The following PPP3CB variants were observed in gnomAD, a reference collection of about 807,000 sequenced individuals.
PPP3CB encodes the protein protein phosphatase 3 catalytic subunit beta, also known as serine/threonine-protein phosphatase 2B catalytic subunit beta isoform.
In PPP3CB, 8 loss-of-function variants were observed where a neutral mutation model predicts 66.4. The ratio of observed to expected loss-of-function variants is 0.12; its 90% CI spans 0.07 to 0.22. The LOEUF is 0.22. Among genes scored for constraint, PPP3CB ranks in the 10% least tolerant of loss-of-function variants. PPP3CB has a pLI of 1.00. For synonymous variants in PPP3CB, 208 were observed against 221.2 expected, an observed-to-expected ratio of 0.94 and a Z score of 0.53; for missense variants, 319 against 642.5, an observed-to-expected ratio of 0.50 and a Z score of 5.44.
intron 1 of PPP3CB, among the ~76,000 whole-genome samples, chr10:73,480,003 A>C (rs568667128): frequency 4.6e-5 from 7 of 152,208 alleles, no homozygotes; most frequent in East Asian, 1.9e-4. Flanking sequence ...CTCAAAAAAA[A>C]CCCCACAACA....
intron 8 of PPP3CB, among the ~76,000 whole-genome samples, chr10:73,470,019 T>C (rs1372310749): frequency 6.6e-6 from 1 of 152,226 alleles, no homozygotes; most frequent in East Asian, 1.9e-4. Flanking sequence ...CCTTTGGCAC[T>C]TTCTGTCAAT....
intron 1 of PPP3CB, among the ~76,000 whole-genome samples, chr10:73,483,827 G>A (rs754332276): frequency 1.9e-4 from 29 of 152,038 alleles, no homozygotes; most frequent in African/African-American, 6.8e-4. Context: ...TCAATAGAGA[G>A]TTAAAATTTT....
At chr10:73,487,318 T>A in intron 1 of PPP3CB, among the ~76,000 whole-genome samples, 1 of 151,812 alleles carries the variant, frequency 6.6e-6, no homozygotes, top group East Asian at 1.9e-4. Flanking sequence ...GAGGTCAAGG[T>A]GGGTATATCG....
intron 1 of PPP3CB, among the ~76,000 whole-genome samples, chr10:73,480,440 A>ATTTTT (rs57553384): frequency 1.1e-4 from 14 of 123,926 alleles, no homozygotes; most frequent in Non-Finnish European, 1.7e-5. Flanking sequence ...TATCCCTGTA[A>ATTTTT]TTTTTTTTTT....
At chr10:73,443,286 C>A (rs143511276) in intron 12 of PPP3CB, among the ~76,000 whole-genome samples, 4,198 of 115,516 alleles carry the variant, frequency 0.036, 127 homozygotes, top group Non-Finnish European at 0.054. Context: ...GAAAGAAAGA[C>A]AGAAAGAAAG....
At chr10:73,488,405 G>C (rs2057021829) in intron 1 of PPP3CB, among the ~76,000 whole-genome samples, 1 of 152,022 alleles carries the variant, frequency 6.6e-6, no homozygotes, top group African/African-American at 2.4e-5. Context: ...AAATTAGCCA[G>C]GCATGGTGGT....
Position 73,451,162 on chromosome 10 carries a change from CTA to C in PPP3CB, c.1186+3248_1186+3249del, listed in dbSNP as rs1291776538. Among the ~76,000 whole-genome samples the C allele has an allele frequency of 2.6e-5, 4 of 151,680 alleles. No individual in the cohort carries two copies. In the East Asian group the frequency reaches 7.8e-4, roughly 29 times the overall value. On this transcript the variant is annotated intron_variant, in intron 10 of 13. Transcript: ENST00000360663. Reference sequence around the variant, plus strand: ...ACTAAAGCATTATCTACCATCATGCCTATTTAACATACTATTGCAATACTCAT... The same window carrying C: ...ACTAAAGCATTATCTACCATCATGCCTTTAACATACTATTGCAATACTCAT...
chr10:73,491,480 T>C (rs1025784441), intron 1 of PPP3CB, among the ~76,000 whole-genome samples: 3 of 152,210 alleles, frequency 2.0e-5, no homozygotes, highest in African/African-American at 7.2e-5. Context: ...AAGATTTATT[T>C]TAGTATGGTT....
At position 73,471,538 on chromosome 10, in the gene PPP3CB, A is replaced by C; in HGVS notation, c.599T>G (p.Leu200Ter). ...ATGAACACAAAGAAACTGTTGGTTT[A>C]AAAGTGCAGCAAGAGGCAAACTATC... ...AFDSLPLAAL[L>*]NQQFLCVHGG... The change falls in exon 5 of 14, where the codon TTA (leucine) becomes TGA (stop). Residue 200 changes from leucine to a stop codon, truncating the protein, a stop_gained. Transcript: ENST00000360663. LOFTEE classifies it high-confidence loss of function. The C allele has an allele frequency of 6.2e-7, 1 of 1,612,872 alleles. No homozygotes were observed. Among genetic ancestry groups the C allele is most frequent in the South Asian group, 1.1e-5 (1 of 90,986 alleles).
intron 1 of PPP3CB, among the ~76,000 whole-genome samples, chr10:73,489,774 A>G (rs894424614): frequency 6.6e-6 from 1 of 151,676 alleles, no homozygotes; most frequent in African/African-American, 2.4e-5. Flanking sequence ...CATTCCTGTC[A>G]CTCCTTGCCA....
intron 13 of PPP3CB, among the ~76,000 whole-genome samples, chr10:73,438,875 T>C (rs1384195494): frequency 2.0e-5 from 3 of 152,006 alleles, no homozygotes; most frequent in African/African-American, 7.3e-5. Flanking sequence ...TACCAAGAGC[T>C]TGGGAGGAGA....
chr10:73,482,982 A>G (rs2056907166), intron 1 of PPP3CB, among the ~76,000 whole-genome samples: 1 of 152,162 alleles, frequency 6.6e-6, no homozygotes, highest in African/African-American at 2.4e-5. Flanking sequence ...TCTGTTCAAA[A>G]CATAGAACTT....
chr10:73,441,899 C>T (rs543681359), intron 12 of PPP3CB, among the ~76,000 whole-genome samples: 1 of 152,230 alleles, frequency 6.6e-6, no homozygotes, highest in South Asian at 2.1e-4. Context: ...CTTGAAACGA[C>T]AATTTTTATT....
chr10:73,446,656 T>G (rs1469292916), intron 10 of PPP3CB, 83 bp from the exon 11 acceptor site: 1 of 1,314,476 alleles, frequency 7.6e-7, no homozygotes, highest in Non-Finnish European at 1.1e-6. Context: ...TGTTCCACAC[T>G]CATCTAAACC....
chr10:73,438,950 C>T (rs766107078), intron 13 of PPP3CB, among the ~76,000 whole-genome samples: 1 of 150,824 alleles, frequency 6.6e-6, no homozygotes, highest in Non-Finnish European at 1.5e-5. Flanking sequence ...GTCAGCCCAT[C>T]GCCACCAATA....
intron 1 of PPP3CB, among the ~76,000 whole-genome samples, chr10:73,479,860 G>A (rs2132974964): frequency 6.6e-6 from 1 of 152,120 alleles, no homozygotes; most frequent in Non-Finnish European, 1.5e-5. Context: ...CTTAAATGAA[G>A]TACAATAAAT....
intron 10 of PPP3CB, among the ~76,000 whole-genome samples, chr10:73,447,448 T>C (rs1022412702): frequency 3.3e-5 from 5 of 152,280 alleles, no homozygotes; most frequent in East Asian, 3.9e-4. Context: ...ATATAGCAAC[T>C]AGAATCACTC....
rs2057188272 is a variant in PPP3CB, at chr10:73,495,623, G to T, written c.85+182C>A. 7 of 881,714 alleles carry T rather than the reference G, an allele frequency of 7.9e-6. No individual in the cohort carries two copies. The South Asian group carries it at 1.2e-4, about 15-fold the overall frequency. 54.6% of individuals were successfully genotyped at this position (881,714 alleles called of 1,614,324 possible). On this transcript the variant is annotated intron_variant, in intron 1 of 13. Transcript: ENST00000360663. ...GGCCTGAAAGCAACCGGGAGACCGC[G>T]GAACCACTGCCACCGACTCAGCCCT...
At chr10:73,457,260 GAAAAAAAAAAA>G (rs35129439) in intron 9 of PPP3CB, among the ~76,000 whole-genome samples, 5 of 68,966 alleles carry the variant, frequency 7.2e-5, no homozygotes, top group East Asian at 4.5e-4. Context: ...CTCTAAAAAA[GAAAAAAAAAAA>G]AAAAAAAAAA....
Sources: gnomAD v4.1 joint callset for allele counts (sites outside exome capture counted in the v4.1 genomes callset) on GRCh38, gnomAD v4.1.1 for gene constraint, MANE v1.5 for transcripts, NCBI Gene and HGNC (gene_info 2026-07-23, HGNC 2026-07-21) for gene names.